Variants in ITFG1 observed in about 807,000 individuals in gnomAD.
The protein encoded by ITFG1 is integrin alpha FG-GAP repeat containing 1, also known as T-cell immunomodulatory protein.
ITFG1 carries 34 observed loss-of-function variants against 81.8 expected under a neutral mutation model. The observed-to-expected ratio is 0.42, with a 90% CI of 0.32 to 0.55. The LOEUF is 0.55. ITFG1 is among the 20% of genes least tolerant of loss of function. The pLI, the probability that ITFG1 is intolerant of heterozygous loss-of-function variation, is 0.17. For missense variants in ITFG1, 672 were observed against 755.4 expected (o/e 0.89, Z 1.29); for synonymous variants, 285 against 270.6 (o/e 1.05, Z -0.52).
intron 6 of ITFG1, among the ~76,000 whole-genome samples, chr16:47,412,530 A>T (rs773250556): frequency 6.6e-6 from 1 of 151,986 alleles, no homozygotes; most frequent in Non-Finnish European, 1.5e-5. Context: ...GAAGATTTAA[A>T]AAAAAAGAAA....
intron 17 of ITFG1, among the ~76,000 whole-genome samples, chr16:47,156,255 G>A (rs1964703324): frequency 6.6e-6 from 1 of 152,118 alleles, no homozygotes. Context: ...TGGCCAACAT[G>A]GTGAAACCCC....
chr16:47,312,821 C>T (rs1343906212), intron 9 of ITFG1: 1 of 152,090 alleles, frequency 6.6e-6, no homozygotes, highest in Non-Finnish European at 1.5e-5. Context: ...AGAACTGTGA[C>T]ATTTATCTTC....
chr16:47,316,867 A>T (rs1016823520), intron 8 of ITFG1, among the ~76,000 whole-genome samples: 4 of 152,214 alleles, frequency 2.6e-5, no homozygotes, highest in African/African-American at 9.6e-5. Context: ...TTGTGAGTAG[A>T]TTACAAAGAA....
intron 6 of ITFG1, among the ~76,000 whole-genome samples, chr16:47,402,175 T>C (rs1050849624): frequency 2.0e-5 from 3 of 152,192 alleles, no homozygotes; most frequent in African/African-American, 4.8e-5. Context: ...AATCTTTATA[T>C]AGTGTTTTCA....
intron 5 of ITFG1, among the ~76,000 whole-genome samples, chr16:47,445,111 TA>T (rs61015312): frequency 0.016 from 2,146 of 131,856 alleles, 30 homozygotes; most frequent in African/African-American, 0.041. Flanking sequence ...AAATGTACAT[TA>T]AAAAAAAAAA....
At chr16:47,267,767 A>C (rs1966293917) in intron 10 of ITFG1, among the ~76,000 whole-genome samples, 1 of 152,148 alleles carries the variant, frequency 6.6e-6, no homozygotes, top group African/African-American at 2.4e-5. Flanking sequence ...AAAAATTTCC[A>C]AATTTTTTTA....
rs373121292 is a variant in ITFG1, at chr16:47,162,557, G to A, written c.1561C>T (p.Arg521Cys). Residue 521 changes from arginine to cysteine, a missense_variant, in exon 15 of 18, where the codon CGT becomes TGT. Transcript: ENST00000320640. ...FLDHLYVGIPRPSGEKSIRKQ... is the reference protein window; with the variant it reads ...FLDHLYVGIPCPSGEKSIRKQ... Reference sequence around the variant, plus strand: ...TTACTCACTTTTTCTCCAGATGGACGGGGAATACCAACGTAGAGATGGTCA... The same window carrying A: ...TTACTCACTTTTTCTCCAGATGGACAGGGAATACCAACGTAGAGATGGTCA... 43 of 1,602,590 alleles carry A rather than the reference G, an allele frequency of 2.7e-5. No individual in the cohort carries two copies. The East Asian group carries it at 3.8e-4, about 14-fold the overall frequency.
chr16:47,322,648 C>T (rs1361500422), intron 8 of ITFG1, among the ~76,000 whole-genome samples: 12 of 152,150 alleles, frequency 7.9e-5, no homozygotes, highest in African/African-American at 2.7e-4. Context: ...TGAGATCATG[C>T]CACTGCACTC....
intron 10 of ITFG1, among the ~76,000 whole-genome samples, chr16:47,294,341 C>T (rs967471769): frequency 6.6e-6 from 1 of 152,012 alleles, no homozygotes; most frequent in Non-Finnish European, 1.5e-5. Context: ...GTCATTTGGG[C>T]TCTTCTTTTG....
At chr16:47,242,917 G>A (rs1368127359) in intron 12 of ITFG1, among the ~76,000 whole-genome samples, 9 of 152,128 alleles carry the variant, frequency 5.9e-5, no homozygotes, top group Non-Finnish European at 7.4e-5. Context: ...CTGGATCTGC[G>A]TGTAATTGCA....
intron 13 of ITFG1, among the ~76,000 whole-genome samples, chr16:47,219,711 T>G (rs1425205428): frequency 6.6e-6 from 1 of 152,210 alleles, no homozygotes; most frequent in Non-Finnish European, 1.5e-5. Context: ...TAATGACATT[T>G]AGATAGGCTA....
intron 14 of ITFG1, among the ~76,000 whole-genome samples, chr16:47,198,077 T>C (rs1394869248): frequency 6.6e-6 from 1 of 152,188 alleles, no homozygotes; most frequent in Non-Finnish European, 1.5e-5. Context: ...AAACAAAATA[T>C]TGGTTCTGTT....
intron 12 of ITFG1, among the ~76,000 whole-genome samples, chr16:47,246,538 T>C (rs1252849336): frequency 6.6e-6 from 1 of 152,206 alleles, no homozygotes; most frequent in Admixed American, 6.5e-5. Context: ...CATAATATTA[T>C]AAAGGTTTAT....
At chr16:47,233,484 C>T (rs1286782522) in intron 13 of ITFG1, among the ~76,000 whole-genome samples, 3 of 152,190 alleles carry the variant, frequency 2.0e-5, no homozygotes, top group Non-Finnish European at 4.4e-5. Context: ...AGGAATTCCA[C>T]CAGATTCTCA....
At chr16:47,405,892 C>T (rs1968722155) in intron 6 of ITFG1, among the ~76,000 whole-genome samples, 1 of 152,046 alleles carries the variant, frequency 6.6e-6, no homozygotes, top group Admixed American at 6.6e-5. Context: ...ATAATAGATA[C>T]TTATAATTAT....
intron 1 of ITFG1, among the ~76,000 whole-genome samples, chr16:47,459,793 T>C (rs1042672529): frequency 1.5e-4 from 23 of 152,220 alleles, no homozygotes; most frequent in African/African-American, 5.5e-4. Context: ...CTACTCTCTG[T>C]ATCCAGTTTG....
chr16:47,195,495 G>GT (rs558909808), intron 14 of ITFG1, among the ~76,000 whole-genome samples: 8 of 151,864 alleles, frequency 5.3e-5, no homozygotes, highest in South Asian at 2.1e-4. Flanking sequence ...TTTAAACAAA[G>GT]TTTTTTTTAG....
intron 14 of ITFG1, among the ~76,000 whole-genome samples, chr16:47,197,616 G>C (rs113885033): frequency 7.2e-5 from 11 of 152,176 alleles, no homozygotes; most frequent in African/African-American, 2.7e-4. Flanking sequence ...ACTCAAATTG[G>C]CTCACAATAA....
At chr16:47,451,331 C>T (rs1428732524) in intron 5 of ITFG1, 65 bp downstream of exon 5, 6 of 860,562 alleles carry the variant, frequency 7.0e-6, no homozygotes, top group Non-Finnish European at 9.3e-6. Flanking sequence ...GCTATTTTTT[C>T]TCCAATGGTT....
Sources: allele counts gnomAD v4.1 joint callset (sites outside exome capture counted in the v4.1 genomes callset), GRCh38; gene constraint gnomAD v4.1.1; transcripts MANE v1.5; gene names NCBI Gene and HGNC (gene_info 2026-07-23, HGNC 2026-07-21).